The following TRMT44 variants were observed in gnomAD, a reference collection of about 807,000 sequenced individuals.
TRMT44 encodes probable tRNA (uracil-O(2)-)-methyltransferase.
Under a neutral mutation model 77.3 loss-of-function variants are expected in TRMT44, and 78 were observed. The ratio of observed to expected loss-of-function variants is 1.01; its 90% CI spans 0.84 to 1.22. The LOEUF (loss-of-function observed/expected upper bound fraction) is 1.22. Ranked by LOEUF, TRMT44 falls within the 50% of genes most tolerant of loss-of-function variation. The pLI, the probability that TRMT44 is intolerant of heterozygous loss-of-function variation, is 0.00. For missense variants in TRMT44, 1,090 were observed against 964.4 expected, an observed-to-expected ratio of 1.13 and a Z score of -1.73; for synonymous variants, 391 against 383.3, an observed-to-expected ratio of 1.02 and a Z score of -0.23.
rs559840577 is a variant in TRMT44 at position 8,463,912 on chromosome 4, C to T, written c.1204-73C>T. 7.8e-5 allele frequency: 101 copies of T among 1,287,654 alleles called. No homozygotes were observed. In the South Asian group the frequency reaches 1.1e-3, roughly 14 times the overall value. 79.8% of individuals were successfully genotyped at this position (1,287,654 alleles called of 1,614,324 possible). On this transcript the variant is annotated intron_variant, in intron 6 of 10. Transcript: ENST00000389737. ...TGTGACTCCAGAGCCTGTACCCTCC[C>T]GCCATGTCCTGCCCACGCAGTAGCT...
At chr4:8,493,031 T>G (rs1324988346) in intron 2 of TRMT44, among the ~76,000 whole-genome samples, 2 of 152,188 alleles carry the variant, frequency 1.3e-5, no homozygotes, top group African/African-American at 4.8e-5. Flanking sequence ...CTGAGACCTG[T>G]CTCAGATATT....
At chr4:8,490,497 CTGG>C (rs1392884665) in intron 2 of TRMT44, among the ~76,000 whole-genome samples, 2 of 149,606 alleles carry the variant, frequency 1.3e-5, no homozygotes, top group African/African-American at 5.0e-5. Context: ...TCCCAGTGGG[CTGG>C]TGGTCTCGCT....
rs933153299 is a variant in TRMT44 at position 8,487,958 on chromosome 4, A to G, written n.3892-5308A>G. On this transcript the variant is annotated intron_variant and non_coding_transcript_variant, in intron 2 of 2. Transcript: ENST00000511366. ...TGACCGGCGCCGGAGTTTTGGATCC[A>G]CGGATAAAACGTGTCTCCTTTGTCT... is the stretch of plus-strand genomic sequence containing the variant. Among the ~76,000 whole-genome samples the G allele has an allele frequency of 9.8e-5, 15 of 152,304 alleles. No individual in the cohort carries two copies. In the South Asian group the frequency reaches 2.9e-3, roughly 29 times the overall value.
In TRMT44 at chr4:8,451,986, G is replaced by GA. The variant is rs1376600581; in HGVS notation, c.983dup (p.Phe329ValfsTer4). The GA allele has an allele frequency of 1.3e-5, 20 of 1,536,696 alleles. No individual in the cohort carries two copies. Among genetic ancestry groups the GA allele is most frequent in the Non-Finnish European group, 1.6e-5 (18 of 1,147,052 alleles). ...TGTGGCCTGAAGTCACTGATCCTGA[G>GA]AAGTTCGTGTATGAAGATGTGGCTA... On this transcript the variant is annotated frameshift_variant, in exon 4 of 11. Coordinates refer to ENST00000389737, the MANE Select transcript of TRMT44 (RefSeq NM_152544.3). LOFTEE classifies it high-confidence loss of function. The surrounding 1 kb of genome is among the most constrained non-coding windows in gnomAD (Gnocchi z 4.1).
intron 9 of TRMT44, 171 bp downstream of exon 9, chr4:8,468,517 C>T (rs563483018): frequency 1.4e-5 from 9 of 650,656 alleles, no homozygotes; most frequent in Admixed American, 8.6e-5. Context: ...TAAAATTTTC[C>T]AAATAGCTCT....
chr4:8,511,306 G>T, the TRMT44 span, among the ~76,000 whole-genome samples: 2 of 152,232 alleles, frequency 1.3e-5, no homozygotes, highest in African/African-American at 2.4e-5. Flanking sequence ...AATCCTGGGG[G>T]TTGGTTGTGG....
rs987717108 is a variant in TRMT44, at chr4:8,453,869, TA to T, written c.1132-872del. On this transcript the variant is annotated intron_variant, in intron 5 of 10. Coordinates refer to ENST00000389737, the MANE Select transcript of TRMT44 (RefSeq NM_152544.3). ...GCTGTACTGTACAGTACTGTACTGA[TA>T]GGCTGCGCATATTTGTCTACACCTG... is the stretch of plus-strand genomic sequence containing the variant. 4.9e-4 allele frequency among the ~76,000 whole-genome samples: 74 copies of T among 152,324 alleles called. 2 individuals are homozygous for T. The highest frequency in any genetic ancestry group is 2.6e-4 in the Non-Finnish European group (18 of 68,022).
At chr4:8,468,410 G>C (rs139353905) in intron 9 of TRMT44, 64 bp downstream of exon 9, 2 of 1,523,856 alleles carry the variant, frequency 1.3e-6, no homozygotes, top group Non-Finnish European at 1.8e-6. Flanking sequence ...AGGAATTCAC[G>C]TCTTCAGAAC....
chr4:8,454,677 T>C (rs1725680092), intron 5 of TRMT44, 65 bp from the exon 6 acceptor site: 2 of 1,503,756 alleles, frequency 1.3e-6, no homozygotes, highest in Admixed American at 1.7e-5. Flanking sequence ...AACTTTAATG[T>C]GTTCTTGCTA....
chr4:8,460,956 T>A (rs1326946001), intron 6 of TRMT44, among the ~76,000 whole-genome samples: 1 of 152,182 alleles, frequency 6.6e-6, no homozygotes, highest in African/African-American at 2.4e-5. Flanking sequence ...CTGAGTGATC[T>A]TCCCACCTCA....
chr4:8,484,288 A>G (rs1266092414), intron 2 of TRMT44, among the ~76,000 whole-genome samples: 5 of 152,180 alleles, frequency 3.3e-5, no homozygotes, highest in Admixed American at 2.6e-4. Flanking sequence ...GGGAGGCCAG[A>G]TTGAAGTTGG....
At chr4:8,491,405 G>A (rs927091577) in intron 2 of TRMT44, among the ~76,000 whole-genome samples, 8 of 152,228 alleles carry the variant, frequency 5.3e-5, no homozygotes, top group East Asian at 1.9e-4. Flanking sequence ...CACGCTGTGC[G>A]CTCGCACTCC....
chr4:8,492,930 C>T lies in TRMT44; in HGVS notation n.3892-336C>T, dbSNP rs540004667. Among the ~76,000 whole-genome samples, 22 of 152,260 alleles carry T rather than the reference C, an allele frequency of 1.4e-4. No individual in the cohort carries two copies. The East Asian group carries it at 2.7e-3, about 19-fold the overall frequency. On this transcript the variant is annotated intron_variant and non_coding_transcript_variant, in intron 2 of 2. Transcript: ENST00000511366. ...AAAATGTATAAAACCAAGCTGTGCCCGACCACCTTGGGCACATGTCGTCAG... is the reference window on the plus strand; with the variant it reads ...AAAATGTATAAAACCAAGCTGTGCCTGACCACCTTGGGCACATGTCGTCAG...
chr4:8,480,516 A>G (rs746178256), downstream of TRMT44, among the ~76,000 whole-genome samples: 15 of 152,206 alleles, frequency 9.9e-5, no homozygotes, highest in Non-Finnish European at 1.9e-4. Context: ...GGACGCCCCC[A>G]GAAGGTCATA....
the TRMT44 span, chr4:8,506,779 G>A: frequency 6.6e-6 from 1 of 152,286 alleles, no homozygotes; most frequent in African/African-American, 2.4e-5. Flanking sequence ...AGTGCTTGGA[G>A]CCATTTCTTG....
the TRMT44 span, among the ~76,000 whole-genome samples, chr4:8,504,658 C>T: frequency 4.3e-4 from 66 of 152,306 alleles, no homozygotes; most frequent in South Asian, 7.9e-3. This position sits in a 1 kb window ranked among gnomAD's most constrained non-coding sequence, Gnocchi z 5.3. Flanking sequence ...CCTTCATCCT[C>T]CCTGTGGGGA....
chr4:8,465,638 A>C, intron 8 of TRMT44, 77 bp downstream of exon 8: 7 of 1,284,388 alleles, frequency 5.5e-6, no homozygotes, highest in Non-Finnish European at 7.6e-6. Context: ...CCACAGAGCC[A>C]TGAACCATGC....
At chr4:8,503,574 G>A in the TRMT44 span, among the ~76,000 whole-genome samples, 2 of 152,140 alleles carry the variant, frequency 1.3e-5, no homozygotes, top group African/African-American at 2.4e-5. Context: ...GGAACTCCTG[G>A]GCCACATACC....
In TRMT44 at chr4:8,446,529, A is replaced by G; in HGVS notation, c.673A>G (p.Asn225Asp). Residue 225 changes from asparagine (N) to aspartate (D), a missense_variant, in exon 2 of 11, where the codon AAC becomes GAC. Transcript: ENST00000389737. The surrounding 1 kb of genome is among the most constrained non-coding windows in gnomAD (Gnocchi z 4.3). ...GCCTTTGGAAGAAGATGATGAGGGGAACCTAAAGGTTAAGATGAGCAATGT... is the reference window on the plus strand; with the variant it reads ...GCCTTTGGAAGAAGATGATGAGGGGGACCTAAAGGTTAAGATGAGCAATGT... ...FLPLEEDDEG[N>D]LKVKMSNVYQ... 1.3e-6 allele frequency: 2 copies of G among 1,536,514 alleles called. No homozygotes were observed. Among genetic ancestry groups the G allele is most frequent in the Non-Finnish European group, 1.7e-6 (2 of 1,146,994 alleles).
Sources: allele counts gnomAD v4.1 joint callset (sites outside exome capture counted in the v4.1 genomes callset), GRCh38; gene constraint gnomAD v4.1.1; non-coding constraint Gnocchi (gnomAD v3.1); transcripts MANE v1.5; gene names NCBI Gene and HGNC (gene_info 2026-07-23, HGNC 2026-07-21).